The following SEC22A variants were observed in gnomAD, a reference collection of about 807,000 sequenced individuals.
The protein encoded by SEC22A is vesicle-trafficking protein SEC22a.
SEC22A carries 22 observed loss-of-function variants against 35.3 expected under a neutral mutation model. The ratio of observed to expected loss-of-function variants is 0.62; its 90% CI spans 0.45 to 0.89. SEC22A has a LOEUF of 0.89. Ranked by LOEUF, SEC22A falls within the 40% of genes least tolerant of loss-of-function variation. The pLI is 0.00. For missense variants in SEC22A, 354 were observed against 362.5 expected, an observed-to-expected ratio of 0.98 and a Z score of 0.19; for synonymous variants, 119 against 129.5, an observed-to-expected ratio of 0.92 and a Z score of 0.55.
chr3:123,214,062 A>C lies in SEC22A; in HGVS notation c.182+4663A>C, dbSNP rs1395866913. Reference sequence around the variant, plus strand: ...AAAAAATAAAAAGCCGGGTGTGGTGATGGACATCTCTAATCCAAGCTACTC... The same window carrying C: ...AAAAAATAAAAAGCCGGGTGTGGTGCTGGACATCTCTAATCCAAGCTACTC... On this transcript the variant is annotated intron_variant, in intron 2 of 6. Transcript: ENST00000492595. 3.3e-5 allele frequency among the ~76,000 whole-genome samples: 5 copies of C among 151,590 alleles called. No homozygotes were observed. In the South Asian group the frequency reaches 6.3e-4, roughly 19 times the overall value.
At chr3:123,214,716 T>G (rs1936993920) in intron 2 of SEC22A, among the ~76,000 whole-genome samples, 1 of 152,242 alleles carries the variant, frequency 6.6e-6, no homozygotes, top group African/African-American at 2.4e-5. Flanking sequence ...GCAGTTGGCT[T>G]TAGAGATTTA....
chr3:123,228,402 T>TA (rs754123559), intron 4 of SEC22A, among the ~76,000 whole-genome samples: 5,603 of 90,066 alleles, frequency 0.062, 285 homozygotes, highest in African/African-American at 0.14. Context: ...CCGTCTCTAC[T>TA]AAAAAAAAAA....
At chr3:123,205,759 A>G (rs1466963487) in intron 1 of SEC22A, among the ~76,000 whole-genome samples, 1 of 152,206 alleles carries the variant, frequency 6.6e-6, no homozygotes, top group Non-Finnish European at 1.5e-5. Flanking sequence ...TTTTCCAGTT[A>G]GTGAAGTGGT....
At position 123,272,629 on chromosome 3, in the gene SEC22A, T is replaced by C. The variant is rs979060475; in HGVS notation, c.*907T>C. 2.6e-5 allele frequency: 4 copies of C among 152,552 alleles called. No homozygotes were observed. Among genetic ancestry groups the C allele is most frequent in the Admixed American group, 6.5e-5 (1 of 15,286 alleles). 9.4% of individuals were successfully genotyped at this position (152,552 alleles called of 1,614,324 possible). A position where few individuals can be genotyped will look rare whatever the true frequency, so the allele number is the denominator to read the frequency against. ...TCAGTTCTAGCTAGAAACTAATGCC[T>C]AGAAAGGCTCCGAATCTTAGGCTCT... On this transcript the variant is annotated 3_prime_UTR_variant, in exon 7 of 7. Transcript: ENST00000492595.
intron 1 of SEC22A, among the ~76,000 whole-genome samples, chr3:123,204,131 G>A (rs961136738): frequency 6.6e-6 from 1 of 151,986 alleles, no homozygotes; most frequent in African/African-American, 2.4e-5. Flanking sequence ...AATTTGATAA[G>A]CAAATGAACA....
At chr3:123,241,578 T>C (rs1386525842) in intron 4 of SEC22A, among the ~76,000 whole-genome samples, 4 of 152,186 alleles carry the variant, frequency 2.6e-5, no homozygotes, top group Admixed American at 2.0e-4. Context: ...ATTCCACCTA[T>C]GTATGTATTC....
intron 6 of SEC22A, among the ~76,000 whole-genome samples, chr3:123,260,180 T>TTC (rs199812819): frequency 0.011 from 1,461 of 135,916 alleles, 34 homozygotes; most frequent in African/African-American, 0.041. Flanking sequence ...CTACTAGATT[T>TTC]TCTGGTGGTT....
rs6787281 is a variant in SEC22A at position 123,225,181 on chromosome 3, A to C, written c.425A>C (p.Gln142Pro). 3 of 1,613,630 alleles carry C rather than the reference A, an allele frequency of 1.9e-6. No homozygotes were observed. The African/African-American group carries it at 4.0e-5, about 22-fold the overall frequency. ...ACAAAGATAAATCTTTCTGACATGCAGACGGAAATCAAGCTGAGGCCTCCT... is the reference window on the plus strand; with the variant it reads ...ACAAAGATAAATCTTTCTGACATGCCGACGGAAATCAAGCTGAGGCCTCCT... ...LSTKINLSDM[Q>P]TEIKLRPPYQ... is the part of the protein sequence containing the mutation. Residue 142 changes from glutamine to proline, a missense_variant, in exon 4 of 7, where the codon CAG becomes CCG. Transcript: ENST00000492595.
intron 6 of SEC22A, among the ~76,000 whole-genome samples, chr3:123,260,028 A>C (rs775303447): frequency 4.0e-5 from 6 of 150,016 alleles, no homozygotes; most frequent in Non-Finnish European, 7.4e-5. Context: ...GCTACTTGGG[A>C]GGCTGAGACA....
At chr3:123,231,682 A>C (rs1459948308) in intron 4 of SEC22A, among the ~76,000 whole-genome samples, 8 of 152,234 alleles carry the variant, frequency 5.3e-5, no homozygotes, top group African/African-American at 9.6e-5. Flanking sequence ...AGCTAAATTT[A>C]GAGGAAAATT....
Position 123,271,694 on chromosome 3 carries a change from A to G in SEC22A, c.896A>G (p.Gln299Arg), listed in dbSNP as rs144254498. The G allele has an allele frequency of 6.2e-7, 1 of 1,614,034 alleles. No homozygotes were observed. Among genetic ancestry groups the G allele is most frequent in the Non-Finnish European group, 8.5e-7 (1 of 1,179,998 alleles). Residue 299 changes from glutamine to arginine, a missense_variant, in exon 7 of 7, where the codon CAG becomes CGG. Transcript: ENST00000492595. ...CTACAGATCTGGCTAAGGCAAGCCC[A>G]GGGCAAGGCTCCCGATTATGATGTC... Reference protein sequence around the residue: ...VTLQIWLRQAQGKAPDYDV With the variant: ...VTLQIWLRQARGKAPDYDV
rs1938199614 is a variant in SEC22A, at chr3:123,272,667, G to T, written c.*945G>T. The T allele has an allele frequency of 6.5e-6, 1 of 153,384 alleles. No homozygotes were observed. Among genetic ancestry groups the T allele is most frequent in the Non-Finnish European group, 1.5e-5 (1 of 68,044 alleles). 9.5% of individuals were successfully genotyped at this position (153,384 alleles called of 1,614,324 possible). ...AATCTTAGGCTCTTTCTTTGTGGCA[G>T]TGAGGGAGATGTTACCAGCACCAGC... On this transcript the variant is annotated 3_prime_UTR_variant, in exon 7 of 7. Coordinates refer to ENST00000492595, the MANE Select transcript of SEC22A (RefSeq NM_012430.5).
Position 123,223,721 on chromosome 3 carries a change from T to G in SEC22A, c.345T>G (p.Phe115Leu). Residue 115 changes from phenylalanine (F) to leucine (L), a missense_variant and splice_region_variant, in exon 3 of 7, where the codon TTT becomes TTG. By Grantham distance (22) the Phe-to-Leu change is conservative (BLOSUM62 0). Transcript: ENST00000492595. ...TAVRPYCFIEFDNFIQRTKQR... is the reference protein window; with the variant it reads ...TAVRPYCFIELDNFIQRTKQR... ...TCAGACCATACTGTTTCATTGAATT[T>G]GGTAAGGGCCTGATTTTTTTTTCCT... 6.2e-7 allele frequency: 1 copy of G among 1,610,074 alleles called. No individual in the cohort carries two copies.
intron 4 of SEC22A, among the ~76,000 whole-genome samples, chr3:123,232,935 C>T (rs1310665200): frequency 6.6e-6 from 1 of 152,056 alleles, no homozygotes; most frequent in Non-Finnish European, 1.5e-5. Context: ...GAGTTTGAGA[C>T]CAGCCTGGAC....
chr3:123,270,486 T>C (rs1938133541), intron 6 of SEC22A, among the ~76,000 whole-genome samples: 1 of 152,176 alleles, frequency 6.6e-6, no homozygotes, highest in Admixed American at 6.5e-5. Flanking sequence ...GACTTTGTGG[T>C]TCCTATACTT....
At chr3:123,246,227 A>G (rs939442670) in intron 5 of SEC22A, among the ~76,000 whole-genome samples, 3 of 152,180 alleles carry the variant, frequency 2.0e-5, no homozygotes, top group African/African-American at 7.2e-5. Context: ...AGGAGGCACT[A>G]TTTATAGGCA....
intron 6 of SEC22A, among the ~76,000 whole-genome samples, chr3:123,261,282 AAT>A (rs1937890190): frequency 1.3e-5 from 2 of 152,212 alleles, no homozygotes; most frequent in East Asian, 3.8e-4. Context: ...AATTTTATGA[AAT>A]ATTCTTGTAT....
chr3:123,229,928 A>C (rs917443918), intron 4 of SEC22A, among the ~76,000 whole-genome samples: 1 of 152,008 alleles, frequency 6.6e-6, no homozygotes, highest in Non-Finnish European at 1.5e-5. Context: ...ACCCTAGAAA[A>C]TAATTTGAAT....
chr3:123,260,839 C>CT (rs11293756), intron 6 of SEC22A, among the ~76,000 whole-genome samples: 30,195 of 134,576 alleles, frequency 0.22, 3,564 homozygotes, highest in Middle Eastern at 0.32. Context: ...TTTTCTTTTT[C>CT]TTTTTTTTTT....
Sources: allele counts gnomAD v4.1 joint callset (sites outside exome capture counted in the v4.1 genomes callset), GRCh38; gene constraint gnomAD v4.1.1; transcripts MANE v1.5; gene names NCBI Gene and HGNC (gene_info 2026-07-23, HGNC 2026-07-21).